The following MVP variants were observed in gnomAD, a reference collection of about 807,000 sequenced individuals.
MVP encodes major vault protein, also known as lung resistance-related protein.
A neutral mutation model predicts 83.5 loss-of-function variants in MVP; 62 were observed. That is an observed-to-expected ratio of 0.74 (90% CI 0.61 to 0.92). MVP has a LOEUF of 0.92. Among genes scored for constraint, MVP ranks in the 40% least tolerant of loss-of-function variants. The pLI, the probability that MVP is intolerant of heterozygous loss-of-function variation, is 0.00. For missense variants in MVP, 1,000 were observed against 1,203.4 expected (o/e 0.83, Z 2.50); for synonymous variants, 505 against 504.1 (o/e 1.00, Z -0.02).
chr16:29,836,657 T>G, intron 6 of MVP, 65 bp from the exon 7 acceptor site: 1 of 1,336,786 alleles, frequency 7.5e-7, no homozygotes, highest in East Asian at 2.4e-5. Flanking sequence ...TGGTGGCCAA[T>G]GGGGCTCGCA....
rs36059297 is a variant in MVP, at chr16:29,832,292, C to CTTTTTTTT, written c.321+1235_321+1242dup. On this transcript the variant is annotated intron_variant, in intron 3 of 14. Transcript: ENST00000357402. ...GAAAAGTATATAGGGATTCTTGTACCTTTTTTTTTTTTTTTTTTTTTTTGA... is the reference window on the plus strand; with the variant it reads ...GAAAAGTATATAGGGATTCTTGTACCTTTTTTTTTTTTTTTTTTTTTTTTTTTTTTTGA... 6.5e-5 allele frequency among the ~76,000 whole-genome samples: 7 copies of CTTTTTTTT among 107,290 alleles called. 1 individual carries two copies. The highest frequency in any genetic ancestry group is 1.2e-4 in the African/African-American group (3 of 25,076). The allele number at this position is 107,290 out of a possible 152,430, so 70.4% of individuals were successfully genotyped here.
chr16:29,843,694 C>T (rs1421432676), intron 10 of MVP, among the ~76,000 whole-genome samples: 1 of 151,864 alleles, frequency 6.6e-6, no homozygotes, highest in Non-Finnish European at 1.5e-5. Context: ...TGAGACCAGC[C>T]TGGCCAACAT....
chr16:29,825,106 T>C (rs1036475214), intron 1 of MVP, among the ~76,000 whole-genome samples: 9 of 152,324 alleles, frequency 5.9e-5, no homozygotes, highest in Admixed American at 5.9e-4. Context: ...ATTTAGTTCC[T>C]GCTTATTTAC....
At position 29,836,956 on chromosome 16, in the gene MVP, A is replaced by G. The variant is rs1033126627; in HGVS notation, c.907A>G (p.Lys303Glu). 7 of 1,610,004 alleles carry G rather than the reference A, an allele frequency of 4.3e-6. No homozygotes were observed. The highest frequency in any genetic ancestry group is 5.9e-6 in the Non-Finnish European group (7 of 1,177,568). The change falls in exon 7 of 15, where the codon AAG becomes GAG. Residue 303 changes from lysine to glutamate, a missense_variant and splice_region_variant. Coordinates refer to ENST00000357402, the MANE Select transcript of MVP (RefSeq NM_005115.5). ...TCAGCTGGGGCAGAAGCGCGTGGTC[A>G]AGGTGAGGTCCCTACACCCCCACAG... is the stretch of plus-strand genomic sequence containing the variant. ...KNQLGQKRVV[K>E]GEKSFFLQPG...
chr16:29,847,649 G>GGT (rs1393969550), intron 14 of MVP, 113 bp from the exon 15 acceptor site: 4 of 1,099,912 alleles, frequency 3.6e-6, no homozygotes, highest in Non-Finnish European at 5.5e-6. Context: ...AGTCAAGCAG[G>GGT]GTGGTCAGAT....
At chr16:29,828,599 C>G (rs1199470311) in intron 1 of MVP, among the ~76,000 whole-genome samples, 1 of 152,140 alleles carries the variant, frequency 6.6e-6, no homozygotes, top group Non-Finnish European at 1.5e-5. Context: ...AGGCTGGTCT[C>G]GAACTCCTGA....
intron 3 of MVP, 108 bp from the exon 4 acceptor site, chr16:29,833,625 T>C: frequency 6.7e-7 from 1 of 1,488,552 alleles, no homozygotes; most frequent in Non-Finnish European, 9.1e-7. Flanking sequence ...CCCAGTCTTA[T>C]TTCAGGACAT....
intron 3 of MVP, 36 bp downstream of exon 3, chr16:29,831,109 C>T: frequency 6.3e-7 from 1 of 1,585,132 alleles, no homozygotes; most frequent in Non-Finnish European, 8.6e-7. Flanking sequence ...CCCCACCCTA[C>T]CTGTCCTCCA....
chr16:29,831,406 G>A (rs575300523), intron 3 of MVP, among the ~76,000 whole-genome samples: 1 of 152,166 alleles, frequency 6.6e-6, no homozygotes, highest in South Asian at 2.1e-4. Flanking sequence ...CACCTGCCTC[G>A]GCCTCCCAAA....
chr16:29,844,485 G>A lies in MVP; in HGVS notation c.1635-8G>A, dbSNP rs769525254. 1.3e-6 allele frequency: 2 copies of A among 1,529,536 alleles called. No individual in the cohort carries two copies. The highest frequency in any genetic ancestry group is 8.8e-7 in the Non-Finnish European group (1 of 1,139,856). 94.7% of individuals were successfully genotyped at this position (1,529,536 alleles called of 1,614,324 possible). On this transcript the variant is annotated splice_polypyrimidine_tract_variant and splice_region_variant and intron_variant, in intron 10 of 14. Coordinates refer to ENST00000357402, the MANE Select transcript of MVP (RefSeq NM_005115.5). ...CAGCTTCCCCATTCTGGGCCTGTTT[G>A]TTCACAGGCACTTTGAGGTGAATGA... is the stretch of plus-strand genomic sequence containing the variant.
chr16:29,824,308 T>G (rs2067390430), intron 1 of MVP, among the ~76,000 whole-genome samples: 1 of 149,580 alleles, frequency 6.7e-6, no homozygotes. Flanking sequence ...CTGCTCAGAC[T>G]GTAATGTGCA....
At chr16:29,833,560 T>A in intron 3 of MVP, 173 bp from the exon 4 acceptor site, 2 of 621,982 alleles carry the variant, frequency 3.2e-6, no homozygotes, top group Non-Finnish European at 2.5e-6. Context: ...TCCTCCTACC[T>A]CAGTCTCCCA....
rs1388742653 is a variant in MVP, at chr16:29,833,740, C to T, written c.329C>T (p.Thr110Ile). Residue 110 changes from threonine (T) to isoleucine (I), a missense_variant, in exon 4 of 15, where the codon ACA becomes ATA. Thr to Ile is a moderately conservative substitution (Grantham distance 89). Coordinates refer to ENST00000357402, the MANE Select transcript of MVP (RefSeq NM_005115.5). ...CACCTTCTTCCCCACTAGGACATCA[C>T]ACCCCTGCAGGTGGTTCTGCCCAAC... ...YPGEVLEKDI[T>I]PLQVVLPNTA... is the part of the protein sequence containing the mutation. 9.9e-6 allele frequency: 16 copies of T among 1,613,934 alleles called. No homozygotes were observed. The highest frequency in any genetic ancestry group is 1.3e-5 in the Non-Finnish European group (15 of 1,179,996).
rs966572164 is a variant in MVP at position 29,836,664 on chromosome 16, C to G, written c.673-58C>G. 6 of 1,422,380 alleles carry G rather than the reference C, an allele frequency of 4.2e-6. No homozygotes were observed. The African/African-American group carries it at 8.6e-5, about 20-fold the overall frequency. The allele number at this position is 1,422,380 out of a possible 1,614,324, so 88.1% of individuals were successfully genotyped here. A position where few individuals can be genotyped will look rare whatever the true frequency, so the allele number is the denominator to read the frequency against. On this transcript the variant is annotated intron_variant, in intron 6 of 14. Transcript: ENST00000357402. ...GGAGCATTTGGTGGCCAATGGGGCT[C>G]GCAGATCCCCTGAAGTTGGAGGCAG...
chr16:29,838,310 C>T (rs1006324771), intron 7 of MVP, among the ~76,000 whole-genome samples: 2 of 151,968 alleles, frequency 1.3e-5, no homozygotes, highest in Non-Finnish European at 2.9e-5. Context: ...GTGTCAGGCA[C>T]CTGTAATCCC....
chr16:29,827,762 A>T lies in MVP; in HGVS notation c.-35-2753A>T, dbSNP rs986336138. Reference sequence around the variant, plus strand: ...GACCTTGTCTCTGCAAAAAAAATGAAAAAATTAGCTAGGCGTGGTGGCACA... The same window carrying T: ...GACCTTGTCTCTGCAAAAAAAATGATAAAATTAGCTAGGCGTGGTGGCACA... On this transcript the variant is annotated intron_variant, in intron 1 of 14. Coordinates refer to ENST00000357402, the MANE Select transcript of MVP (RefSeq NM_005115.5). Among the ~76,000 whole-genome samples, 20 of 152,204 alleles carry T rather than the reference A, an allele frequency of 1.3e-4. No homozygotes were observed. The Middle Eastern group carries it at 0.014, about 104-fold the overall frequency.
chr16:29,836,532 G>A (rs988667335), intron 6 of MVP, among the ~76,000 whole-genome samples, 190 bp from the exon 7 acceptor site: 3 of 150,560 alleles, frequency 2.0e-5, no homozygotes, highest in Admixed American at 6.6e-5. Context: ...AGCTGAGATC[G>A]CACCTTTGCA....
chr16:29,824,211 CAAAAAAAAAAAAAAA>C lies in MVP; in HGVS notation c.-36+3717_-36+3731del, dbSNP rs61338952. On this transcript the variant is annotated intron_variant, in intron 1 of 14. Transcript: ENST00000357402. ...GGGCAACAAGCACGAAACTCCATCT[CAAAAAAAAAAAAAAA>C]AAAAAAAAAAAAAAACAGATTTCCA... 1.6e-3 allele frequency among the ~76,000 whole-genome samples: 64 copies of C among 39,666 alleles called. 1 individual carries two copies. The highest frequency in any genetic ancestry group is 0.016 in the Admixed American group (31 of 1,996). The allele number at this position is 39,666 out of a possible 152,430, so 26.0% of individuals were successfully genotyped here.
In MVP at chr16:29,830,959, C is replaced by A; in HGVS notation, c.207C>A (p.Ala69=). ...TGGCCAACCCTGTGTCTCGGGATGCCCAGGGCTTGGTGCTGTTTGATGTCA... is the reference window on the plus strand; with the variant it reads ...TGGCCAACCCTGTGTCTCGGGATGCACAGGGCTTGGTGCTGTTTGATGTCA... ...CTVANPVSRD[A]QGLVLFDVTG... is the part of the protein sequence containing the mutation. The change falls in exon 3 of 15, where the codon GCC becomes GCA. Residue 69 remains alanine (A), a synonymous_variant. Transcript: ENST00000357402. The A allele has an allele frequency of 6.2e-7, 1 of 1,614,074 alleles. No homozygotes were observed. The highest frequency in any genetic ancestry group is 2.2e-5 in the East Asian group (1 of 44,872).
Sources: allele counts gnomAD v4.1 joint callset (sites outside exome capture counted in the v4.1 genomes callset), GRCh38; gene constraint gnomAD v4.1.1; transcripts MANE v1.5; gene names NCBI Gene and HGNC (gene_info 2026-07-23, HGNC 2026-07-21).